Variants in CREB3L4 observed in about 807,000 individuals in gnomAD.
CREB3L4 encodes cyclic AMP-responsive element-binding protein 3-like protein 4.
A neutral mutation model predicts 37.0 loss-of-function variants in CREB3L4; 28 were observed. The ratio of observed to expected loss-of-function variants is 0.76; its 90% confidence interval spans 0.56 to 1.04. CREB3L4 has a LOEUF of 1.04. Ranked by LOEUF, CREB3L4 falls within the 50% of genes least tolerant of loss-of-function variation. CREB3L4 has a pLI of 0.00. For synonymous variants in CREB3L4, 175 were observed against 192.2 expected (o/e 0.91, Z 0.74); for missense variants, 462 against 486.0 (o/e 0.95, Z 0.46).
At position 153,974,151 on chromosome 1, in the gene CREB3L4, T is replaced by C. The variant is rs1648690359; in HGVS notation, c.*86T>C. 3 of 1,332,698 alleles carry C rather than the reference T, an allele frequency of 2.3e-6. No homozygotes were observed. In the Admixed American group the frequency reaches 6.4e-5, roughly 28 times the overall value. 82.6% of individuals were successfully genotyped at this position (1,332,698 alleles called of 1,614,324 possible). A position where few individuals can be genotyped will look rare whatever the true frequency, so the allele number is the denominator to read the frequency against. On this transcript the variant is annotated 3_prime_UTR_variant, in exon 10 of 10. Transcript: ENST00000368607. ...CTTTGCTTCCCACTGGGATTCCTAC[T>C]TAGGTGTCTGCCCTCAGGGGTCCAA...
chr1:153,967,842 A>C (rs1647909884), upstream of CREB3L4: 1 of 152,122 alleles, frequency 6.6e-6, no homozygotes, highest in Non-Finnish European at 1.5e-5. Context: ...CTTTGGGAAG[A>C]GCGCCACGCG....
At chr1:153,973,508 C>T in intron 8 of CREB3L4, 44 bp downstream of exon 8, 1 of 1,588,556 alleles carries the variant, frequency 6.3e-7, no homozygotes, top group Non-Finnish European at 8.6e-7. Context: ...ACACTTCTAT[C>T]CTTATACCCC....
At chr1:153,969,601 T>C in intron 4 of CREB3L4, 146 bp downstream of exon 4, 4 of 824,202 alleles carry the variant, frequency 4.9e-6, no homozygotes, top group Non-Finnish European at 7.6e-6. Flanking sequence ...CAAGGAGACA[T>C]GAACAGTTGA....
chr1:153,973,639 C>G lies in CREB3L4; in HGVS notation c.917C>G (p.Ala306Gly), dbSNP rs749804277. The G allele has an allele frequency of 6.2e-7, 1 of 1,611,984 alleles. No homozygotes were observed. The change falls in exon 9 of 10, where the codon GCT becomes GGT. Residue 306 changes from alanine to glycine, a missense_variant. Transcript: ENST00000368607. ...TCVLILLFSL[A>G]LIILPSFSPF... The stretch of plus-strand genomic sequence containing the variant: ...TCCCAGATTCTTCTTTTTTCCCTGG[C>G]TCTCATCATCCTGCCCAGCTTCAGT...
chr1:153,973,305 GGTA>G lies in CREB3L4; in HGVS notation c.812+43_812+45del, dbSNP rs1648585280. The G allele has an allele frequency of 1.9e-6, 3 of 1,610,386 alleles. No individual in the cohort carries two copies. In the African/African-American group the frequency reaches 4.0e-5, roughly 22 times the overall value. ...TGTGTGTATGTGTGTTTTGAAGGCA[GGTA>G]CAGCACACAGGGGTGCCATTCTTGG... is the stretch of plus-strand genomic sequence containing the variant. On this transcript the variant is annotated intron_variant, in intron 7 of 9. Coordinates refer to ENST00000368607, the MANE Select transcript of CREB3L4 (RefSeq NM_001255978.2).
chr1:153,971,581 CT>C (rs1322149098), intron 4 of CREB3L4, among the ~76,000 whole-genome samples: 106 of 113,676 alleles, frequency 9.3e-4, no homozygotes, highest in African/African-American at 2.9e-3. Flanking sequence ...TTTTCTTTTT[CT>C]TTTTCTTTTT....
At chr1:153,971,596 T>G (rs966436124) in intron 4 of CREB3L4, among the ~76,000 whole-genome samples, 2 of 149,660 alleles carry the variant, frequency 1.3e-5, no homozygotes, top group African/African-American at 4.9e-5. Context: ...TCTTTTTTTT[T>G]TTTTTTTTTT....
Position 153,968,516 on chromosome 1 carries a change from C to T in CREB3L4, c.-4-6C>T, listed in dbSNP as rs185970814. On this transcript the variant is annotated splice_region_variant and splice_polypyrimidine_tract_variant and intron_variant, in intron 1 of 9. Coordinates refer to ENST00000368607, the MANE Select transcript of CREB3L4 (RefSeq NM_001255978.2). ...GCAACCCTCCGTCCCACACGCCTTC[C>T]TGCAGAAGCATGGATCTCGGAATCC... 3.2e-4 allele frequency: 523 copies of T among 1,611,696 alleles called. 4 individuals carry two copies. The East Asian group carries it at 0.01, about 32-fold the overall frequency.
In CREB3L4 at chr1:153,974,054, G is replaced by A. The variant is rs749941222; in HGVS notation, c.1177G>A (p.Asp393Asn). 3.1e-6 allele frequency: 5 copies of A among 1,613,446 alleles called. No individual in the cohort carries two copies. The South Asian group carries it at 4.4e-5, about 14-fold the overall frequency. Residue 393 changes from aspartate to asparagine, a missense_variant, in exon 10 of 10, where the codon GAT (aspartate) becomes AAT (asparagine). Transcript: ENST00000368607. ...SGRIRSVLHA[D>N]EM The stretch of plus-strand genomic sequence containing the variant: ...GCGCATCCGGTCCGTGCTGCATGCA[G>A]ATGAGATGTGAGCTGGAACAGACCT...
Position 153,973,702 on chromosome 1 carries a change from A to T in CREB3L4, c.980A>T (p.Tyr327Phe). 1.2e-6 allele frequency: 2 copies of T among 1,601,192 alleles called. No homozygotes were observed. The highest frequency in any genetic ancestry group is 1.7e-6 in the Non-Finnish European group (2 of 1,172,832). Residue 327 changes from tyrosine to phenylalanine, a missense_variant, in exon 9 of 10, where the codon TAC (tyrosine) becomes TTC (phenylalanine). By Grantham distance (22) the Tyr-to-Phe change is conservative. Coordinates refer to ENST00000368607, the MANE Select transcript of CREB3L4 (RefSeq NM_001255978.2). ...QSRPEAGSED[Y>F]QPHGVTSRNI... ...CGACCAGAAGCTGGGTCTGAGGATTACCAGCCTCACGGAGGTGAGAGGCAA... is the reference window on the plus strand; with the variant it reads ...CGACCAGAAGCTGGGTCTGAGGATTTCCAGCCTCACGGAGGTGAGAGGCAA...
chr1:153,969,718 C>T (rs1453893315), intron 4 of CREB3L4: 2 of 405,714 alleles, frequency 4.9e-6, no homozygotes, highest in Non-Finnish European at 9.2e-6. Context: ...TCAAGCAATC[C>T]TCCTGCCTCA....
rs775768977 is a variant in CREB3L4 at position 153,972,771 on chromosome 1, G to C, written c.571G>C (p.Asp191His). ...GCCCTGTCAAACCCTGTTCCTGACC[G>C]ATGAGGAGAAGCGTCTGCTGGGGCA... is the stretch of plus-strand genomic sequence containing the variant. ...LLPCQTLFLT[D>H]EEKRLLGQEG... Residue 191 changes from aspartate to histidine, a missense_variant, in exon 5 of 10, where the codon GAT (aspartate) becomes CAT (histidine). Coordinates refer to ENST00000368607, the MANE Select transcript of CREB3L4 (RefSeq NM_001255978.2). The C allele has an allele frequency of 2.5e-6, 4 of 1,613,964 alleles. No homozygotes were observed. The highest frequency in any genetic ancestry group is 2.2e-5 in the South Asian group (2 of 91,048).
chr1:153,968,410 T>TG (rs1038322619), intron 1 of CREB3L4, 112 bp from the exon 2 acceptor site: 60 of 754,906 alleles, frequency 7.9e-5, no homozygotes, highest in African/African-American at 7.1e-4. Context: ...GAGGAAGGAG[T>TG]GGGGGGGCGG....
intron 8 of CREB3L4, 26 bp downstream of exon 8, chr1:153,973,490 C>T: frequency 2.5e-6 from 4 of 1,600,668 alleles, no homozygotes; most frequent in Non-Finnish European, 3.4e-6. Flanking sequence ...CTACTCCCAT[C>T]TCCCCCCACA....
In CREB3L4 at chr1:153,968,930, G is replaced by A. The variant is rs747131844; in HGVS notation, c.175G>A (p.Gly59Ser). 139 of 1,605,720 alleles carry A rather than the reference G, an allele frequency of 8.7e-5. No homozygotes were observed. Among genetic ancestry groups the A allele is most frequent in the Admixed American group, 6.3e-4 (37 of 58,788 alleles). Residue 59 changes from glycine (G) to serine (S), a missense_variant and splice_region_variant, in exon 3 of 10, where the codon GGC becomes AGC. Coordinates refer to ENST00000368607, the MANE Select transcript of CREB3L4 (RefSeq NM_001255978.2). ...GWKSGGDRGC[G>S]LQESEPEDFL... ...TATATATAACCTTTTCCTACTGTAG[G>A]GCCTTCAAGAGAGTGAGCCTGAAGA...
In CREB3L4 at chr1:153,973,955, C is replaced by T. The variant is rs1648670512; in HGVS notation, c.1078C>T (p.Pro360Ser). The change falls in exon 10 of 10, where the codon CCT becomes TCT. Residue 360 changes from proline to serine, a missense_variant. Physicochemically the swap from Pro to Ser is moderately conservative, Grantham distance 74 (BLOSUM62 -1). Transcript: ENST00000368607. ...GGTAGAGTCCAGACTGAGGGAGCCA[C>T]CTGGAGCCAAGGATGCAAATGGCTC... is the stretch of plus-strand genomic sequence containing the variant. ...QVVESRLREP[P>S]GAKDANGSTR... The T allele has an allele frequency of 2.5e-6, 4 of 1,614,166 alleles. No individual in the cohort carries two copies. In the South Asian group the frequency reaches 3.3e-5, roughly 13 times the overall value.
chr1:153,969,325 C>G lies in CREB3L4; in HGVS notation c.422-9C>G, dbSNP rs1648112058. 6.2e-7 allele frequency: 1 copy of G among 1,614,232 alleles called. No homozygotes were observed. The highest frequency in any genetic ancestry group is 2.2e-5 in the East Asian group (1 of 44,882). Reference sequence around the variant, plus strand: ...CTCCTTTCTCCCAGCTACCTGTTTTCTACTCCAGATCAGTGGAGCCCAGCA... The same window carrying G: ...CTCCTTTCTCCCAGCTACCTGTTTTGTACTCCAGATCAGTGGAGCCCAGCA... On this transcript the variant is annotated splice_polypyrimidine_tract_variant and intron_variant, in intron 3 of 9. Coordinates refer to ENST00000368607, the MANE Select transcript of CREB3L4 (RefSeq NM_001255978.2).
chr1:153,969,675 A>C, intron 4 of CREB3L4: 1 of 516,762 alleles, frequency 1.9e-6, no homozygotes, highest in South Asian at 2.1e-5. Context: ...CAGTGGTGCA[A>C]TCACGGCTCA....
intron 2 of CREB3L4, 34 bp from the exon 3 acceptor site, chr1:153,968,895 TC>T (rs758003565): frequency 1.3e-6 from 2 of 1,567,882 alleles, no homozygotes; most frequent in Non-Finnish European, 8.6e-7. Context: ...CCAAAATTCT[TC>T]CCTGCACATA....
Sources: gnomAD v4.1 joint callset for allele counts (sites outside exome capture counted in the v4.1 genomes callset) on GRCh38, gnomAD v4.1.1 for gene constraint, MANE v1.5 for transcripts, NCBI Gene and HGNC (gene_info 2026-07-23, HGNC 2026-07-21) for gene names.